ZNF385D: variants seen among roughly 807,000 people sequenced by gnomAD.
The protein encoded by ZNF385D is zinc finger protein 659.
A neutral mutation model predicts 35.8 loss-of-function variants in ZNF385D; 15 were observed. That is an observed-to-expected ratio of 0.42 (90% confidence interval 0.28 to 0.64). ZNF385D has a LOEUF of 0.64. Ranked by LOEUF, ZNF385D falls within the 30% of genes least tolerant of loss-of-function variation. The pLI is 0.23. For missense variants in ZNF385D, 474 were observed against 494.6 expected (o/e 0.96, Z 0.39); for synonymous variants, 212 against 186.8 (o/e 1.13, Z -1.10).
chr3:21,893,528 G>C (rs1698988322), intron 3 of ZNF385D, among the ~76,000 whole-genome samples: 1 of 152,148 alleles, frequency 6.6e-6, no homozygotes, highest in Non-Finnish European at 1.5e-5. Flanking sequence ...TAGCCTTTAT[G>C]TGAAATATAA....
chr3:21,729,921 A>C (rs2068920678), intron 1 of ZNF385D, among the ~76,000 whole-genome samples: 1 of 152,208 alleles, frequency 6.6e-6, no homozygotes, highest in Admixed American at 6.5e-5. Flanking sequence ...ACCTGCTTTC[A>C]CAATGCACGG....
chr3:21,693,981 C>G (rs1161391132), intron 1 of ZNF385D, among the ~76,000 whole-genome samples: 1 of 145,562 alleles, frequency 6.9e-6, no homozygotes, highest in East Asian at 2.0e-4. Context: ...CGGGTTCAAG[C>G]GATTCTCCTG....
At chr3:21,556,379 C>G (rs1237443555) in intron 3 of ZNF385D, among the ~76,000 whole-genome samples, 1 of 152,046 alleles carries the variant, frequency 6.6e-6, no homozygotes, top group Non-Finnish European at 1.5e-5. Flanking sequence ...GTCTTTAATC[C>G]ATTGTGAGTT....
At chr3:22,163,403 A>C (rs1427807717) in intron 3 of ZNF385D, among the ~76,000 whole-genome samples, 2 of 152,170 alleles carry the variant, frequency 1.3e-5, no homozygotes, top group Admixed American at 6.5e-5. Context: ...ATTTATATAC[A>C]TCAGATAGCT....
chr3:22,071,810 A>T (rs1242254505), intron 3 of ZNF385D, among the ~76,000 whole-genome samples: 3 of 152,070 alleles, frequency 2.0e-5, no homozygotes, highest in Non-Finnish European at 2.9e-5. Context: ...CCATGCAGTT[A>T]AGTGCCTAAG....
At chr3:22,183,287 G>A (rs1382266049) in intron 2 of ZNF385D, among the ~76,000 whole-genome samples, 1 of 152,058 alleles carries the variant, frequency 6.6e-6, no homozygotes, top group South Asian at 2.1e-4. Flanking sequence ...TATCTTAAAG[G>A]TAACAGTATG....
At chr3:22,013,891 T>G (rs189710421) in intron 3 of ZNF385D, among the ~76,000 whole-genome samples, 23 of 152,060 alleles carry the variant, frequency 1.5e-4, no homozygotes, top group Non-Finnish European at 2.4e-4. Flanking sequence ...CAACCTTATC[T>G]AATTAAGTAC....
rs552587850 is a variant in ZNF385D, at chr3:22,280,805, G to T, written c.106+91645C>A. ...TATTTTTTCTAGTTCTTTGAGGAAT[G>T]ATTGCGGTATTTTGATTGGAATTGT... On this transcript the variant is annotated intron_variant, in intron 2 of 5. Transcript: ENST00000494108. 9.9e-5 allele frequency among the ~76,000 whole-genome samples: 15 copies of T among 152,178 alleles called. No individual in the cohort carries two copies. The South Asian group carries it at 2.9e-3, about 29-fold the overall frequency.
chr3:21,510,528 G>A (rs997962893), intron 4 of ZNF385D, among the ~76,000 whole-genome samples: 2 of 152,032 alleles, frequency 1.3e-5, no homozygotes, highest in Non-Finnish European at 2.9e-5. Context: ...TATAAGCTAA[G>A]GTGCTGCATA....
intron 1 of ZNF385D, among the ~76,000 whole-genome samples, chr3:21,680,932 C>T (rs748106483): frequency 2.0e-5 from 3 of 152,112 alleles, no homozygotes; most frequent in Non-Finnish European, 4.4e-5. Context: ...TCCCTTACAT[C>T]GCAATGTTAC....
In ZNF385D at chr3:21,613,823, G is replaced by C. The variant is rs17009155; in HGVS notation, c.166-49139C>G. Among the ~76,000 whole-genome samples the C allele has an allele frequency of 8.1e-3, 1,238 of 152,276 alleles. 22 individuals carry two copies. The highest frequency in any genetic ancestry group is 0.028 in the African/African-American group (1,159 of 41,548). On this transcript the variant is annotated intron_variant, in intron 2 of 7. Transcript: ENST00000281523. ...TCAATTCCATGCACATCATATCCAC[G>C]TTTACTTGAGCAATCACTGCCACAT... is the stretch of plus-strand genomic sequence containing the variant.
intron 3 of ZNF385D, among the ~76,000 whole-genome samples, chr3:21,940,643 A>G (rs1036335615): frequency 1.3e-5 from 2 of 152,200 alleles, no homozygotes; most frequent in African/African-American, 4.8e-5. Context: ...CAACAATCAG[A>G]TTATAAATAT....
chr3:21,962,384 G>C (rs1339428339), intron 3 of ZNF385D, among the ~76,000 whole-genome samples: 1 of 152,132 alleles, frequency 6.6e-6, no homozygotes, highest in Non-Finnish European at 1.5e-5. Flanking sequence ...TCTGCAGAGA[G>C]CATACTTATG....
intron 3 of ZNF385D, among the ~76,000 whole-genome samples, chr3:21,824,311 T>C (rs1326842920): frequency 1.3e-5 from 2 of 152,216 alleles, no homozygotes; most frequent in African/African-American, 2.4e-5. Flanking sequence ...GTAGTAATGG[T>C]GCTTTTTATA....
chr3:21,565,720 G>T lies in ZNF385D; in HGVS notation c.166-1036C>A, dbSNP rs541117757. ...TGTTGTAGCACATGTGAAGATCAAG[G>T]TTAATATCAGCCTCAAACACTATAC... On this transcript the variant is annotated intron_variant, in intron 2 of 7. Coordinates refer to ENST00000281523, the MANE Select transcript of ZNF385D (RefSeq NM_024697.3). Among the ~76,000 whole-genome samples the T allele has an allele frequency of 5.9e-5, 9 of 152,248 alleles. No individual in the cohort carries two copies. In the South Asian group the frequency reaches 1.9e-3, roughly 32 times the overall value.
intron 2 of ZNF385D, among the ~76,000 whole-genome samples, chr3:22,197,059 T>A (rs1342957425): frequency 6.6e-6 from 1 of 152,128 alleles, no homozygotes; most frequent in Non-Finnish European, 1.5e-5. Context: ...ATTTTTCTGT[T>A]GAAAAGTCAG....
At chr3:22,222,029 T>C (rs187345146) in intron 2 of ZNF385D, among the ~76,000 whole-genome samples, 17 of 152,010 alleles carry the variant, frequency 1.1e-4, no homozygotes, top group African/African-American at 4.1e-4. Flanking sequence ...CAGGCTGGAG[T>C]GCAGTGGTGC....
chr3:22,148,199 A>G (rs1345580976), intron 3 of ZNF385D, among the ~76,000 whole-genome samples: 1 of 152,178 alleles, frequency 6.6e-6, no homozygotes, highest in Non-Finnish European at 1.5e-5. Flanking sequence ...ATTTGTCTTT[A>G]GCCATGCATG....
In ZNF385D at chr3:21,663,915, A is replaced by ATATATATATATATATTTATTTATTTATT. The variant is rs1159950305; in HGVS notation, c.165+970_165+971insAATAAATAAATAAATATATATATATATA. On this transcript the variant is annotated intron_variant, in intron 2 of 7. Coordinates refer to ENST00000281523, the MANE Select transcript of ZNF385D (RefSeq NM_024697.3). The stretch of plus-strand genomic sequence containing the variant: ...AATATATATATATATATATATATAT[A>ATATATATATATATATTTATTTATTTATT]TATTTATTTATTTAAATCCATCATG... Among the ~76,000 whole-genome samples the ATATATATATATATATTTATTTATTTATT allele has an allele frequency of 4.7e-5, 5 of 105,882 alleles. No individual in the cohort carries two copies. In the South Asian group the frequency reaches 8.1e-4, roughly 17 times the overall value. 69.5% of individuals were successfully genotyped at this position (105,882 alleles called of 152,430 possible).
Sources: allele counts gnomAD v4.1 joint callset (sites outside exome capture counted in the v4.1 genomes callset), GRCh38; gene constraint gnomAD v4.1.1; transcripts MANE v1.5; gene names NCBI Gene and HGNC (gene_info 2026-07-23, HGNC 2026-07-21).